The following AGBL4 variants were observed in gnomAD, a reference collection of about 807,000 sequenced individuals.
AGBL4 encodes the protein AGBL carboxypeptidase 4.
AGBL4 carries 58 observed loss-of-function variants against 66.4 expected under a neutral mutation model. The observed-to-expected ratio is 0.87, with a 90% confidence interval of 0.71 to 1.09. The LOEUF (loss-of-function observed/expected upper bound fraction) is 1.09. AGBL4 is among the 50% of genes least tolerant of loss of function. AGBL4 has a pLI of 0.00. For missense variants in AGBL4, 579 were observed against 631.0 expected (o/e 0.92, Z 0.88); for synonymous variants, 234 against 222.9 (o/e 1.05, Z -0.44).
intron 1 of AGBL4, among the ~76,000 whole-genome samples, chr1:49,985,644 TAAC>T (rs1367693865): frequency 6.6e-6 from 1 of 152,176 alleles, no homozygotes; most frequent in Non-Finnish European, 1.5e-5. Context: ...GCACAGTCTT[TAAC>T]AACATATTTG....
At chr1:49,775,436 T>C (rs1644171314) in intron 2 of AGBL4, among the ~76,000 whole-genome samples, 1 of 152,182 alleles carries the variant, frequency 6.6e-6, no homozygotes, top group Non-Finnish European at 1.5e-5. Context: ...AATAGTTATA[T>C]AAATGTGCAA....
chr1:49,624,002 A>AGAGTGT (rs1553237982), intron 3 of AGBL4, among the ~76,000 whole-genome samples: 23 of 149,450 alleles, frequency 1.5e-4, no homozygotes, highest in Non-Finnish European at 2.5e-4. Context: ...GATGAGAGAG[A>AGAGTGT]GTGTGTGTGT....
chr1:49,977,225 C>A (rs1459535546), intron 1 of AGBL4, among the ~76,000 whole-genome samples: 1 of 150,954 alleles, frequency 6.6e-6, no homozygotes, highest in African/African-American at 2.4e-5. Flanking sequence ...CTTCACCTCC[C>A]ATCTTGCATG....
intron 2 of AGBL4, among the ~76,000 whole-genome samples, chr1:49,754,294 ATG>A (rs1432607381): frequency 1.4e-5 from 2 of 139,376 alleles, no homozygotes; most frequent in African/African-American, 5.6e-5. Context: ...TTTATTTTTA[ATG>A]TTTTTTTTTT....
chr1:49,240,622 T>C (rs1354874688), intron 4 of AGBL4, among the ~76,000 whole-genome samples: 2 of 150,502 alleles, frequency 1.3e-5, no homozygotes, highest in African/African-American at 4.9e-5. Flanking sequence ...TCTTATCCTC[T>C]ACCTGGCCTT....
chr1:49,516,008 T>A (rs1177030595), intron 3 of AGBL4, among the ~76,000 whole-genome samples: 1 of 150,586 alleles, frequency 6.6e-6, no homozygotes, highest in Non-Finnish European at 1.5e-5. Flanking sequence ...CTGCACGTTG[T>A]GCACATGTAC....
At chr1:49,263,548 A>T (rs1418320152) in intron 3 of AGBL4, among the ~76,000 whole-genome samples, 1 of 152,176 alleles carries the variant, frequency 6.6e-6, no homozygotes, top group Non-Finnish European at 1.5e-5. Flanking sequence ...TGATTACTCC[A>T]CTAGCAGTTG....
At chr1:49,278,269 C>T (rs1417665093) in intron 3 of AGBL4, among the ~76,000 whole-genome samples, 1 of 152,064 alleles carries the variant, frequency 6.6e-6, no homozygotes, top group African/African-American at 2.4e-5. Context: ...CCTTTGGAAT[C>T]ACGTCCCAGG....
chr1:49,789,326 G>A (rs1306326251), intron 2 of AGBL4, among the ~76,000 whole-genome samples: 1 of 152,082 alleles, frequency 6.6e-6, no homozygotes. Context: ...TCTCTGCCAG[G>A]TTATGGTATA....
At chr1:49,341,684 T>C (rs557207122) in intron 3 of AGBL4, among the ~76,000 whole-genome samples, 1 of 152,302 alleles carries the variant, frequency 6.6e-6, no homozygotes, top group South Asian at 2.1e-4. Context: ...GTGTGCAGGA[T>C]CATAGGACGT....
chr1:48,729,169 G>A (rs1342417200), intron 6 of AGBL4, among the ~76,000 whole-genome samples: 1 of 152,146 alleles, frequency 6.6e-6, no homozygotes, highest in African/African-American at 2.4e-5. Flanking sequence ...CAAGTTGTAA[G>A]GAATACTACA....
At chr1:49,247,798 T>C (rs183631465) in intron 3 of AGBL4, among the ~76,000 whole-genome samples, 22 of 152,324 alleles carry the variant, frequency 1.4e-4, no homozygotes, top group Admixed American at 1.2e-3. Context: ...TTCCCAGGTA[T>C]TTTAAATATG....
intron 2 of AGBL4, among the ~76,000 whole-genome samples, chr1:49,727,830 A>G (rs539117596): frequency 1.2e-4 from 18 of 152,276 alleles, no homozygotes; most frequent in African/African-American, 4.3e-4. Flanking sequence ...ATTTGACACT[A>G]TAGAGGTTTA....
At chr1:49,240,739 C>T (rs1215868425) in intron 4 of AGBL4, among the ~76,000 whole-genome samples, 4 of 151,868 alleles carry the variant, frequency 2.6e-5, no homozygotes, top group Non-Finnish European at 5.9e-5. Context: ...AGACTGATGA[C>T]ACCTTAATCC....
At chr1:48,930,435 G>C (rs1489469128) in intron 5 of AGBL4, among the ~76,000 whole-genome samples, 2 of 151,924 alleles carry the variant, frequency 1.3e-5, no homozygotes, top group Non-Finnish European at 2.9e-5. Context: ...TTAAGTTTTT[G>C]TTGACTCCCT....
intron 5 of AGBL4, among the ~76,000 whole-genome samples, chr1:48,906,640 C>T (rs535070660): frequency 6.6e-5 from 10 of 152,146 alleles, no homozygotes; most frequent in Non-Finnish European, 1.3e-4. Context: ...CTGGTAATGA[C>T]ATTGTATGCA....
chr1:49,253,541 C>A (rs1264270010), intron 3 of AGBL4, among the ~76,000 whole-genome samples: 1 of 151,838 alleles, frequency 6.6e-6, no homozygotes, highest in Non-Finnish European at 1.5e-5. Context: ...CATAGCCTAC[C>A]AACCAAAAAA....
intron 4 of AGBL4, among the ~76,000 whole-genome samples, chr1:49,237,169 A>C (rs1345120935): frequency 2.6e-5 from 4 of 151,686 alleles, no homozygotes; most frequent in Non-Finnish European, 5.9e-5. Flanking sequence ...AGGCTGAGGC[A>C]GGAGAATGGA....
chr1:48,824,970 C>G (rs1646394276), intron 6 of AGBL4, among the ~76,000 whole-genome samples: 1 of 152,194 alleles, frequency 6.6e-6, no homozygotes, highest in African/African-American at 2.4e-5. Context: ...GCAATTAGAA[C>G]TGTAATACTG....
Sources: allele counts gnomAD v4.1 joint callset (sites outside exome capture counted in the v4.1 genomes callset), GRCh38; gene constraint gnomAD v4.1.1; transcripts MANE v1.5; gene names NCBI Gene and HGNC (gene_info 2026-07-23, HGNC 2026-07-21).